Variants in B3GALT1 observed in about 807,000 individuals in gnomAD.
B3GALT1 encodes the protein beta-1,3-galactosyltransferase 1, also known as UDP-Gal:betaGlcNAc beta 1,3-galactosyltransferase, polypeptide 1.
B3GALT1 carries 10 observed loss-of-function variants against 23.2 expected under a neutral mutation model. That is an observed-to-expected ratio of 0.43 (90% CI 0.27 to 0.73). The LOEUF (loss-of-function observed/expected upper bound fraction) is 0.73. B3GALT1 is among the 30% of genes least tolerant of loss of function. The pLI is 0.21. For synonymous variants in B3GALT1, 156 were observed against 141.5 expected (o/e 1.10, Z -0.73); for missense variants, 299 against 405.4 (o/e 0.74, Z 2.25).
chr2:167,440,259 T>C lies in B3GALT1; in HGVS notation c.-510-49918T>C, dbSNP rs572465835. On this transcript the variant is annotated intron_variant, in intron 1 of 4. Coordinates refer to ENST00000392690, the MANE Select transcript of B3GALT1 (RefSeq NM_020981.4). Reference sequence around the variant, plus strand: ...TCAGGAGGGTGAGGCGGGAGAATGGTGTGAACCTGGGAGGCGGAGCTTGCA... The same window carrying C: ...TCAGGAGGGTGAGGCGGGAGAATGGCGTGAACCTGGGAGGCGGAGCTTGCA... Among the ~76,000 whole-genome samples, 942 of 147,360 alleles carry C rather than the reference T, an allele frequency of 6.4e-3. 10 individuals are homozygous for C. The highest frequency in any genetic ancestry group is 0.023 in the African/African-American group (903 of 39,560).
At chr2:167,351,794 CT>C (rs1207333857) in intron 1 of B3GALT1, among the ~76,000 whole-genome samples, 1 of 152,128 alleles carries the variant, frequency 6.6e-6, no homozygotes, top group Non-Finnish European at 1.5e-5. Flanking sequence ...CTGTTCTCAT[CT>C]AAGTTTACTA....
intron 1 of B3GALT1, among the ~76,000 whole-genome samples, chr2:167,376,492 G>GT (rs1322737667): frequency 6.6e-6 from 1 of 152,030 alleles, no homozygotes; most frequent in Non-Finnish European, 1.5e-5. Context: ...GGGTTGGTAG[G>GT]TTTTTTATTA....
intron 3 of B3GALT1, among the ~76,000 whole-genome samples, chr2:167,807,252 T>G (rs1185094369): frequency 6.6e-6 from 1 of 152,204 alleles, no homozygotes; most frequent in African/African-American, 2.4e-5. Context: ...TTGTTGATCT[T>G]TTCAAAAAAC....
At chr2:167,523,346 A>G (rs566463748) in intron 2 of B3GALT1, among the ~76,000 whole-genome samples, 2 of 151,912 alleles carry the variant, frequency 1.3e-5, no homozygotes, top group Non-Finnish European at 2.9e-5. Context: ...AAAAGTCTCC[A>G]TTCTGCTCTT....
At chr2:167,795,946 T>G (rs1025017265) in intron 3 of B3GALT1, among the ~76,000 whole-genome samples, 1 of 152,226 alleles carries the variant, frequency 6.6e-6, no homozygotes, top group Non-Finnish European at 1.5e-5. Context: ...ATCATCTGGT[T>G]TCTCCTGGAA....
chr2:167,703,448 A>G (rs1213638275), intron 3 of B3GALT1, among the ~76,000 whole-genome samples: 1 of 152,054 alleles, frequency 6.6e-6, no homozygotes, highest in Non-Finnish European at 1.5e-5. Context: ...GTCCTGGGAA[A>G]CTTACGTTTT....
intron 2 of B3GALT1, among the ~76,000 whole-genome samples, chr2:167,620,397 T>A (rs951487951): frequency 6.6e-6 from 1 of 152,044 alleles, no homozygotes; most frequent in Non-Finnish European, 1.5e-5. Flanking sequence ...GTTGTACAGA[T>A]CTTTGTAGGC....
intron 3 of B3GALT1, among the ~76,000 whole-genome samples, chr2:167,744,389 TTAATG>T (rs1226669082): frequency 2.6e-5 from 4 of 152,198 alleles, no homozygotes; most frequent in Admixed American, 6.5e-5. Flanking sequence ...TTTTATTAGA[TTAATG>T]TAAGTTTGCA....
intron 1 of B3GALT1, among the ~76,000 whole-genome samples, chr2:167,383,615 G>T (rs2105277702): frequency 6.6e-6 from 1 of 152,268 alleles, no homozygotes; most frequent in East Asian, 1.9e-4. Context: ...GATGGGATCA[G>T]GGATCGTATT....
intron 3 of B3GALT1, among the ~76,000 whole-genome samples, chr2:167,808,549 A>G (rs1205047830): frequency 6.6e-6 from 1 of 151,952 alleles, no homozygotes; most frequent in East Asian, 1.9e-4. Context: ...ATGAAGCTTA[A>G]TTTGTCTGGA....
intron 2 of B3GALT1, among the ~76,000 whole-genome samples, chr2:167,570,479 T>C (rs995522498): frequency 6.6e-6 from 1 of 151,942 alleles, no homozygotes; most frequent in Non-Finnish European, 1.5e-5. Context: ...ATGCTATAAA[T>C]GTTTTTATGA....
At chr2:167,738,040 A>T (rs191567796) in intron 3 of B3GALT1, among the ~76,000 whole-genome samples, 1 of 152,304 alleles carries the variant, frequency 6.6e-6, no homozygotes, top group African/African-American at 2.4e-5. Flanking sequence ...CCTGAGATTT[A>T]TGTTTCTTTT....
chr2:167,340,339 A>C (rs1697128702), intron 1 of B3GALT1, among the ~76,000 whole-genome samples: 1 of 149,120 alleles, frequency 6.7e-6, no homozygotes, highest in Non-Finnish European at 1.5e-5. Flanking sequence ...AAAAAAACAG[A>C]GCTTTTGGCA....
chr2:167,825,448 G>T (rs1275113908), intron 4 of B3GALT1, among the ~76,000 whole-genome samples: 1 of 146,904 alleles, frequency 6.8e-6, no homozygotes, highest in Non-Finnish European at 1.5e-5. Flanking sequence ...GTGTGTGTGT[G>T]TGTGTGTGCG....
intron 2 of B3GALT1, among the ~76,000 whole-genome samples, chr2:167,526,942 T>C (rs1271937613): frequency 2.0e-5 from 3 of 152,166 alleles, no homozygotes; most frequent in African/African-American, 4.8e-5. Flanking sequence ...TGCAGATTAT[T>C]ATAGAATTTG....
intron 4 of B3GALT1, among the ~76,000 whole-genome samples, chr2:167,852,295 G>A (rs777250295): frequency 2.6e-5 from 4 of 151,940 alleles, no homozygotes; most frequent in Admixed American, 2.0e-4. Flanking sequence ...TGGATAAGAC[G>A]GATATAATCA....
chr2:167,761,687 C>T (rs897088961), intron 3 of B3GALT1, among the ~76,000 whole-genome samples: 2 of 152,168 alleles, frequency 1.3e-5, no homozygotes, highest in African/African-American at 4.8e-5. Context: ...AGCCTTCTGG[C>T]TTTTTGTTCA....
intron 3 of B3GALT1, among the ~76,000 whole-genome samples, chr2:167,812,994 C>T (rs1267211983): frequency 1.0e-5 from 1 of 95,990 alleles, no homozygotes; most frequent in Non-Finnish European, 1.8e-5. Flanking sequence ...ACCACCACCC[C>T]CACCCCCCCC....
chr2:167,464,508 G>A (rs1287577501), intron 1 of B3GALT1, among the ~76,000 whole-genome samples: 1 of 152,134 alleles, frequency 6.6e-6, no homozygotes, highest in Non-Finnish European at 1.5e-5. Flanking sequence ...AATGTACAGT[G>A]CTAATAGTGG....
Sources: gnomAD v4.1 joint callset for allele counts (sites outside exome capture counted in the v4.1 genomes callset) on GRCh38, gnomAD v4.1.1 for gene constraint, MANE v1.5 for transcripts, NCBI Gene and HGNC (gene_info 2026-07-23, HGNC 2026-07-21) for gene names.